The following KY variants were observed in gnomAD, a reference collection of about 807,000 sequenced individuals.
The protein encoded by KY is kyphoscoliosis peptidase.
KY carries 43 observed loss-of-function variants against 76.1 expected under a neutral mutation model. The observed-to-expected ratio is 0.57, with a 90% CI of 0.44 to 0.73. KY has a LOEUF of 0.73. Ranked by LOEUF, KY falls within the 30% of genes least tolerant of loss-of-function variation. The probability of loss-of-function intolerance (pLI) is 0.00; values close to 1 mark genes in which losing one functional copy is unlikely to be tolerated. For missense variants in KY, 722 were observed against 828.9 expected (o/e 0.87, Z 1.58); for synonymous variants, 277 against 326.2 (o/e 0.85, Z 1.63).
chr3:134,617,600 A>AT (rs1221280356), intron 8 of KY, among the ~76,000 whole-genome samples: 1 of 152,226 alleles, frequency 6.6e-6, no homozygotes, highest in Non-Finnish European at 1.5e-5. Flanking sequence ...CAGAGTAATA[A>AT]TTTCTTTTTT....
In KY at chr3:134,610,058, C is replaced by T. The variant is rs371103355; in HGVS notation, c.899+137G>A. The T allele has an allele frequency of 3.1e-5, 28 of 909,298 alleles. 1 individual carries two copies. The highest frequency in any genetic ancestry group is 2.7e-4 in the Middle Eastern group (1 of 3,692). The allele number at this position is 909,298 out of a possible 1,614,324, so 56.3% of individuals were successfully genotyped here. A position where few individuals can be genotyped will look rare whatever the true frequency, so the allele number is the denominator to read the frequency against. Reference sequence around the variant, plus strand: ...GCCTGGAGCCAGCCCACTTCAGAGCCGAGGAGGAGTGGGCATGGGGCCTCC... The same window carrying T: ...GCCTGGAGCCAGCCCACTTCAGAGCTGAGGAGGAGTGGGCATGGGGCCTCC... On this transcript the variant is annotated intron_variant, in intron 9 of 10. Coordinates refer to ENST00000423778, the MANE Select transcript of KY (RefSeq NM_178554.6).
chr3:134,628,161 T>G, intron 4 of KY: 1 of 295,088 alleles, frequency 3.4e-6, no homozygotes. Flanking sequence ...TCCTGCTTTC[T>G]TGAATCCACT....
chr3:134,641,346 G>A (rs949663950), intron 3 of KY: 2 of 152,154 alleles, frequency 1.3e-5, no homozygotes, highest in African/African-American at 2.4e-5. Context: ...CTCAAGATAG[G>A]GAGACCATCC....
chr3:134,625,729 G>A (rs1468128050), intron 5 of KY, among the ~76,000 whole-genome samples: 1 of 152,266 alleles, frequency 6.6e-6, no homozygotes, highest in Non-Finnish European at 1.5e-5. Context: ...GTCAACTGGA[G>A]ACCTGAGCAT....
Position 134,604,034 on chromosome 3 carries a change from A to G in KY, c.1531T>C (p.Tyr511His). ...GPITEETQRR[Y>H]IFQLHREKQT... is the part of the protein sequence containing the mutation. ...TTCTCCCGGTGCAGCTGGAAGATGT[A>G]GCGCCGCTGTGTCTCCTCAGTGATG... The change falls in exon 11 of 11, where the codon TAC becomes CAC. Residue 511 changes from tyrosine (Y) to histidine (H), a missense_variant. Physicochemically the swap from Tyr to His is moderately conservative, Grantham distance 83. Transcript: ENST00000423778. 1.2e-6 allele frequency: 2 copies of G among 1,613,968 alleles called. No individual in the cohort carries two copies. Among genetic ancestry groups the G allele is most frequent in the Non-Finnish European group, 1.7e-6 (2 of 1,179,862 alleles).
At chr3:134,624,602 G>C (rs181209707) in intron 6 of KY, among the ~76,000 whole-genome samples, 1 of 152,328 alleles carries the variant, frequency 6.6e-6, no homozygotes, top group Admixed American at 6.5e-5. Flanking sequence ...AGAGGCATGA[G>C]AGCATGGCAG....
chr3:134,634,284 T>A (rs1001407536), intron 3 of KY, among the ~76,000 whole-genome samples: 1 of 151,966 alleles, frequency 6.6e-6, no homozygotes, highest in African/African-American at 2.4e-5. Context: ...GCACAGGAAC[T>A]GGAATAACTA....
intron 3 of KY, among the ~76,000 whole-genome samples, chr3:134,639,204 C>T (rs1192976293): frequency 1.3e-5 from 2 of 151,892 alleles, no homozygotes; most frequent in African/African-American, 2.4e-5. Flanking sequence ...ACCCAGGATG[C>T]AGTAGTCAGG....
In KY at chr3:134,650,891, G is replaced by A. The variant is rs1290564102; in HGVS notation, c.70C>T (p.Arg24Cys). 2.5e-6 allele frequency: 4 copies of A among 1,612,830 alleles called. No individual in the cohort carries two copies. In the African/African-American group the frequency reaches 5.3e-5, roughly 22 times the overall value. Residue 24 changes from arginine (R) to cysteine (C), a missense_variant, in exon 1 of 11, where the codon CGC (arginine) becomes TGC (cysteine). By Grantham distance (180) the Arg-to-Cys change is radical (BLOSUM62 -3). Transcript: ENST00000423778. The stretch of plus-strand genomic sequence containing the variant: ...TCTGAGAGCGTACCCTGTGCGGCGC[G>A]CCGCTTCTCCGAGTGCACGATCAGC... ...MLLIVHSEKRRAAQGTLSDQQ... is the reference protein window; with the variant it reads ...MLLIVHSEKRCAAQGTLSDQQ...
chr3:134,617,421 T>C (rs1303773342), intron 8 of KY, among the ~76,000 whole-genome samples: 4 of 152,130 alleles, frequency 2.6e-5, no homozygotes, highest in Non-Finnish European at 5.9e-5. Context: ...CTGAGATGGG[T>C]ATTCGCAGGG....
intron 3 of KY, among the ~76,000 whole-genome samples, chr3:134,636,420 A>G (rs1964977605): frequency 6.6e-6 from 1 of 152,204 alleles, no homozygotes; most frequent in South Asian, 2.1e-4. Flanking sequence ...GTGATGTTGC[A>G]CAAATTCTGA....
At chr3:134,614,468 C>T (rs1961134835) in intron 8 of KY, among the ~76,000 whole-genome samples, 2 of 151,966 alleles carry the variant, frequency 1.3e-5, no homozygotes, top group South Asian at 4.2e-4. Context: ...AGCTGCAGCC[C>T]CCACTCTCCA....
intron 10 of KY, among the ~76,000 whole-genome samples, 194 bp from the exon 11 acceptor site, chr3:134,604,668 C>T (rs576712178): frequency 2.0e-5 from 3 of 152,316 alleles, no homozygotes; most frequent in South Asian, 4.1e-4. Context: ...CATCAGCCAG[C>T]GGCAGCACAC....
chr3:134,626,046 C>T (rs2107874802), intron 5 of KY, among the ~76,000 whole-genome samples: 1 of 152,360 alleles, frequency 6.6e-6, no homozygotes, highest in Admixed American at 6.5e-5. Flanking sequence ...GACCCCTGTC[C>T]CGGCCCAGAA....
Position 134,642,005 on chromosome 3 carries a change from G to C in KY, c.262+1311C>G, listed in dbSNP as rs368593025. ...AAGCAACAGGACAGAGCATGGGCTT[G>C]TCCTTGTAGTTCTCAGGGCTGGTGG... On this transcript the variant is annotated intron_variant, in intron 3 of 10. Coordinates refer to ENST00000423778, the MANE Select transcript of KY (RefSeq NM_178554.6). Among the ~76,000 whole-genome samples the C allele has an allele frequency of 4.6e-5, 7 of 152,168 alleles. No homozygotes were observed. The East Asian group carries it at 9.6e-4, about 21-fold the overall frequency.
At chr3:134,649,446 G>A (rs751343156) in intron 1 of KY, among the ~76,000 whole-genome samples, 6 of 152,138 alleles carry the variant, frequency 3.9e-5, no homozygotes, top group African/African-American at 9.7e-5. Context: ...ACTAGGCCTC[G>A]CCACACACTG....
At chr3:134,615,125 C>G (rs1230678885) in intron 8 of KY, 1 of 152,208 alleles carries the variant, frequency 6.6e-6, no homozygotes, top group African/African-American at 2.4e-5. Flanking sequence ...CCTTTTCTTA[C>G]ACACTACCCT....
At chr3:134,631,043 C>T (rs1202540863) in intron 3 of KY, among the ~76,000 whole-genome samples, 2 of 152,154 alleles carry the variant, frequency 1.3e-5, no homozygotes, top group Non-Finnish European at 2.9e-5. Context: ...CAGATATCGT[C>T]CAGTTTGAAC....
chr3:134,608,970 T>C, intron 9 of KY, 131 bp from the exon 10 acceptor site: 1 of 1,016,046 alleles, frequency 9.8e-7, no homozygotes, highest in Non-Finnish European at 1.4e-6. Flanking sequence ...ACATGGGCAC[T>C]GGAGACTCCT....
Sources: gnomAD v4.1 joint callset for allele counts (sites outside exome capture counted in the v4.1 genomes callset) on GRCh38, gnomAD v4.1.1 for gene constraint, MANE v1.5 for transcripts, NCBI Gene and HGNC (gene_info 2026-07-23, HGNC 2026-07-21) for gene names.